The following GPHN variants were observed in gnomAD, a reference collection of about 807,000 sequenced individuals.
GPHN encodes gephyrin.
In GPHN, 17 loss-of-function variants were observed where a neutral mutation model predicts 95.5. That is an observed-to-expected ratio of 0.18 (90% CI 0.12 to 0.27). The LOEUF is 0.27. Ranked by LOEUF, GPHN falls within the 10% of genes least tolerant of loss-of-function variation. GPHN has a pLI of 1.00. For missense variants in GPHN, 660 were observed against 978.1 expected (o/e 0.67, Z 4.34); for synonymous variants, 320 against 322.5 (o/e 0.99, Z 0.08).
the GPHN span, chr14:67,241,320 G>A: frequency 2.0e-5 from 3 of 153,054 alleles, no homozygotes; most frequent in South Asian, 1.8e-4. Flanking sequence ...GGTCTCGCGC[G>A]GTCTAGAAGT....
chr14:67,335,512 A>C, the GPHN span: 1 of 152,686 alleles, frequency 6.5e-6, no homozygotes, highest in Non-Finnish European at 1.5e-5. Context: ...TTGTCAGAAC[A>C]AATGGAAGGA....
At chr14:67,226,507 CA>C in the GPHN span, among the ~76,000 whole-genome samples, 4 of 152,228 alleles carry the variant, frequency 2.6e-5, no homozygotes, top group Non-Finnish European at 5.9e-5. Flanking sequence ...ACTACAGGTG[CA>C]CACCATCACA....
chr14:67,238,416 G>A, the GPHN span, among the ~76,000 whole-genome samples: 9 of 151,780 alleles, frequency 5.9e-5, no homozygotes, highest in Admixed American at 4.6e-4. Context: ...CTACAGGAGC[G>A]TGCCACCACA....
At chr14:67,470,997 G>C in the GPHN span, 1 of 152,180 alleles carries the variant, frequency 6.6e-6, no homozygotes, top group Admixed American at 6.5e-5. Flanking sequence ...GCTATCCCTG[G>C]TGAGATCTGA....
the GPHN span, among the ~76,000 whole-genome samples, chr14:67,601,549 G>A: frequency 6.6e-6 from 1 of 152,130 alleles, no homozygotes; most frequent in East Asian, 1.9e-4. Context: ...AGTAATAGTG[G>A]CCTATGAGTT....
At chr14:67,074,755 C>G (rs1174570406) in intron 11 of GPHN, among the ~76,000 whole-genome samples, 1 of 152,138 alleles carries the variant, frequency 6.6e-6, no homozygotes, top group Non-Finnish European at 1.5e-5. Context: ...GACCAACATT[C>G]CCTTAAGCCA....
At position 66,615,136 on chromosome 14, in the gene GPHN, T is replaced by A. The variant is rs565200470; in HGVS notation, c.65-65971T>A. On this transcript the variant is annotated intron_variant, in intron 1 of 22. Coordinates refer to ENST00000478722, the MANE Select transcript of GPHN (RefSeq NM_020806.5). ...ATCATTGGCATTTGGGTTGGTTCCG[T>A]GTCTTTGCTATTGTAAATAGTGCTG... Among the ~76,000 whole-genome samples the A allele has an allele frequency of 8.5e-4, 130 of 152,292 alleles. 3 individuals carry two copies. The South Asian group carries it at 0.027, about 31-fold the overall frequency.
intron 17 of GPHN, among the ~76,000 whole-genome samples, chr14:67,138,724 T>TTC (rs1454762302): frequency 2.6e-5 from 4 of 152,006 alleles, no homozygotes; most frequent in Non-Finnish European, 4.4e-5. Flanking sequence ...ATGATGTGAA[T>TTC]AGGCCCTTAA....
chr14:67,031,032 GTTTGT>G (rs1230082148), intron 10 of GPHN, among the ~76,000 whole-genome samples: 1 of 150,052 alleles, frequency 6.7e-6, no homozygotes, highest in East Asian at 1.9e-4. Flanking sequence ...TTGTTTGTTT[GTTTGT>G]TTTAACTGCT....
chr14:67,587,532 G>C, the GPHN span: 1 of 423,870 alleles, frequency 2.4e-6, no homozygotes, highest in East Asian at 5.1e-5. Context: ...CTGTTACTGA[G>C]GGCATCAGTG....
the GPHN span, among the ~76,000 whole-genome samples, chr14:67,418,773 A>G: frequency 6.6e-6 from 1 of 152,194 alleles, no homozygotes; most frequent in Non-Finnish European, 1.5e-5. Context: ...AAGCAATGCC[A>G]GAGGGACTAC....
At chr14:66,720,896 C>T (rs2070682048) in intron 2 of GPHN, among the ~76,000 whole-genome samples, 2 of 152,154 alleles carry the variant, frequency 1.3e-5, no homozygotes, top group South Asian at 4.1e-4. Flanking sequence ...TAACCTACCA[C>T]ATTGCGGTAA....
the GPHN span, among the ~76,000 whole-genome samples, chr14:67,388,724 G>C: frequency 6.6e-6 from 1 of 152,062 alleles, no homozygotes; most frequent in Non-Finnish European, 1.5e-5. Context: ...CTGTCTTTCA[G>C]GCTGGAGTGC....
chr14:67,501,370 T>C, the GPHN span, among the ~76,000 whole-genome samples: 1 of 152,088 alleles, frequency 6.6e-6, no homozygotes, highest in Non-Finnish European at 1.5e-5. Context: ...ATTATTTTTA[T>C]TTATTTATTT....
chr14:66,946,302 C>T (rs968614111), intron 8 of GPHN, among the ~76,000 whole-genome samples: 1 of 152,164 alleles, frequency 6.6e-6, no homozygotes, highest in Non-Finnish European at 1.5e-5. Context: ...CACAGAATCT[C>T]TGCTATCTAG....
At chr14:67,537,953 A>T in the GPHN span, among the ~76,000 whole-genome samples, 1 of 152,198 alleles carries the variant, frequency 6.6e-6, no homozygotes, top group African/African-American at 2.4e-5. Flanking sequence ...TTCACCTGCC[A>T]AGCAGTTTAG....
chr14:67,538,716 G>A, the GPHN span, among the ~76,000 whole-genome samples: 129 of 152,260 alleles, frequency 8.5e-4, no homozygotes, highest in African/African-American at 2.9e-3. Context: ...AGCCAAGCAC[G>A]AGTCCCAACC....
In GPHN at chr14:67,089,133, C is replaced by CTTTTTTTTTTTTT. The variant is rs1163483546; in HGVS notation, c.1237+71_1237+83dup. Reference sequence around the variant, plus strand: ...GCACTGTATTTTTTTTTCTTTTTTTCTTTTTTTTTTTTTTTTTTTTTTTTT... The same window carrying CTTTTTTTTTTTTT: ...GCACTGTATTTTTTTTTCTTTTTTTCTTTTTTTTTTTTTTTTTTTTTTTTTTTTTTTTTTTTTT... On this transcript the variant is annotated intron_variant, in intron 12 of 22. Transcript: ENST00000478722. 5.1e-4 allele frequency: 103 copies of CTTTTTTTTTTTTT among 200,402 alleles called. 2 individuals are homozygous for CTTTTTTTTTTTTT. The highest frequency in any genetic ancestry group is 5.7e-4 in the Non-Finnish European group (74 of 128,978). The allele number at this position is 200,402 out of a possible 1,614,324, so 12.4% of individuals were successfully genotyped here. A position where few individuals can be genotyped will look rare whatever the true frequency, so the allele number is the denominator to read the frequency against.
chr14:67,348,570 G>A, the GPHN span, among the ~76,000 whole-genome samples: 1 of 151,904 alleles, frequency 6.6e-6, no homozygotes, highest in Non-Finnish European at 1.5e-5. Context: ...CACCCAGGCT[G>A]GAGTGCAGTG....
Sources: gnomAD v4.1 joint callset for allele counts (sites outside exome capture counted in the v4.1 genomes callset) on GRCh38, gnomAD v4.1.1 for gene constraint, MANE v1.5 for transcripts, NCBI Gene and HGNC (gene_info 2026-07-23, HGNC 2026-07-21) for gene names.